The following GPHN variants were observed in gnomAD, a reference collection of about 807,000 sequenced individuals.
GPHN encodes gephyrin.
GPHN carries 17 observed loss-of-function variants against 95.5 expected under a neutral mutation model. That is an observed-to-expected ratio of 0.18 (90% confidence interval 0.12 to 0.27). The LOEUF is 0.27. GPHN is among the 10% of genes least tolerant of loss of function. The pLI is 1.00. For missense variants in GPHN, 660 were observed against 978.1 expected (o/e 0.67, Z 4.34); for synonymous variants, 320 against 322.5 (o/e 0.99, Z 0.08).
intron 9 of GPHN, among the ~76,000 whole-genome samples, chr14:66,984,065 A>T (rs2153599820): frequency 6.6e-6 from 1 of 152,330 alleles, no homozygotes; most frequent in East Asian, 1.9e-4. Flanking sequence ...AAAAGACAAC[A>T]TAGAAAATGG....
Position 67,025,040 on chromosome 14 carries a change from G to A in GPHN, c.1006+1365G>A, listed in dbSNP as rs571754113. 1.2e-4 allele frequency among the ~76,000 whole-genome samples: 18 copies of A among 152,224 alleles called. No individual in the cohort carries two copies. In the South Asian group the frequency reaches 3.5e-3, roughly 30 times the overall value. Reference sequence around the variant, plus strand: ...TGAGCCCCTTTGAACCTCCAATTTAGGGTATGGGGAGTGTTTCCAATTGTT... The same window carrying A: ...TGAGCCCCTTTGAACCTCCAATTTAAGGTATGGGGAGTGTTTCCAATTGTT... On this transcript the variant is annotated intron_variant, in intron 10 of 22. Transcript: ENST00000478722.
At chr14:67,225,962 TGCGCGCGCGC>T in the GPHN span, among the ~76,000 whole-genome samples, 4 of 113,520 alleles carry the variant, frequency 3.5e-5, no homozygotes, top group East Asian at 3.3e-4. Flanking sequence ...TGTGTGTGTG[TGCGCGCGCGC>T]GCGTGCGCAT....
chr14:67,512,360 A>G, the GPHN span, among the ~76,000 whole-genome samples: 1 of 152,216 alleles, frequency 6.6e-6, no homozygotes, highest in African/African-American at 2.4e-5. Context: ...TAGAGGCTGA[A>G]ATTCCTCAGC....
intron 1 of GPHN, among the ~76,000 whole-genome samples, chr14:66,641,186 G>A (rs376139557): frequency 2.0e-5 from 3 of 152,100 alleles, no homozygotes; most frequent in Non-Finnish European, 4.4e-5. Context: ...TTGACGTAAC[G>A]GTGGTGCAAA....
the GPHN span, chr14:67,685,024 T>C: frequency 6.2e-7 from 1 of 1,607,942 alleles, no homozygotes; most frequent in South Asian, 1.1e-5. Context: ...CCTGAAATGA[T>C]TCCCACTTAG....
chr14:67,373,175 A>C, the GPHN span, among the ~76,000 whole-genome samples: 1 of 152,222 alleles, frequency 6.6e-6, no homozygotes, highest in Admixed American at 6.5e-5. Flanking sequence ...TGCCATTTCT[A>C]GGAAAATTTA....
chr14:67,029,245 T>C (rs769332121), intron 10 of GPHN, among the ~76,000 whole-genome samples: 1 of 152,168 alleles, frequency 6.6e-6, no homozygotes, highest in Non-Finnish European at 1.5e-5. Context: ...TACAGCTTTG[T>C]AGCTGCTATT....
At chr14:66,962,882 T>A (rs2069051646) in intron 8 of GPHN, among the ~76,000 whole-genome samples, 1 of 151,928 alleles carries the variant, frequency 6.6e-6, no homozygotes, top group African/African-American at 2.4e-5. Context: ...CCAGAATGCT[T>A]TTGAAAATGA....
At chr14:66,787,104 C>T (rs1320462626) in intron 3 of GPHN, among the ~76,000 whole-genome samples, 1 of 152,062 alleles carries the variant, frequency 6.6e-6, no homozygotes, top group South Asian at 2.1e-4. Context: ...ACTTGATTAT[C>T]TGCATAGGAA....
intron 3 of GPHN, among the ~76,000 whole-genome samples, chr14:66,778,566 C>T (rs2059478676): frequency 6.6e-6 from 1 of 151,936 alleles, no homozygotes; most frequent in African/African-American, 2.4e-5. Context: ...ATAAACAATA[C>T]TGGTTAAATT....
At chr14:67,269,406 T>C in the GPHN span, among the ~76,000 whole-genome samples, 1 of 152,150 alleles carries the variant, frequency 6.6e-6, no homozygotes. Flanking sequence ...ATCGCTGATA[T>C]GGTAACCCTA....
chr14:66,634,169 C>T (rs1267318091), intron 1 of GPHN, among the ~76,000 whole-genome samples: 2 of 151,882 alleles, frequency 1.3e-5, no homozygotes, highest in African/African-American at 4.8e-5. Flanking sequence ...TGTCATGTTT[C>T]CCTGCCTTTT....
the GPHN span, among the ~76,000 whole-genome samples, chr14:67,331,819 G>A: frequency 2.0e-5 from 3 of 151,972 alleles, no homozygotes; most frequent in Non-Finnish European, 4.4e-5. Context: ...TTGAGCTTAC[G>A]GTAGACATAA....
chr14:67,005,622 AG>A (rs80108104), intron 9 of GPHN, among the ~76,000 whole-genome samples: 40,112 of 151,696 alleles, frequency 0.26, 9,044 homozygotes, highest in African/African-American at 0.58. Context: ...TTGGGAACAC[AG>A]ACTCATGTTT....
intron 2 of GPHN, among the ~76,000 whole-genome samples, chr14:66,767,027 C>CTT (rs2058985154): frequency 1.3e-5 from 2 of 152,058 alleles, no homozygotes; most frequent in South Asian, 4.2e-4. Context: ...CAAATTCCAC[C>CTT]TTTGTCTTTA....
At chr14:67,653,922 G>GT in the GPHN span, among the ~76,000 whole-genome samples, 1 of 152,232 alleles carries the variant, frequency 6.6e-6, no homozygotes, top group South Asian at 2.1e-4. Flanking sequence ...TTGGGATCTG[G>GT]TTTTTTTCTT....
chr14:66,553,725 GGCCAC>G (rs2059906863), intron 1 of GPHN, among the ~76,000 whole-genome samples: 1 of 151,794 alleles, frequency 6.6e-6, no homozygotes, highest in African/African-American at 2.4e-5. Flanking sequence ...TACAGGCATG[GGCCAC>G]CACGCCCGCC....
At chr14:66,856,463 T>G (rs1471343695) in intron 4 of GPHN, among the ~76,000 whole-genome samples, 4 of 152,158 alleles carry the variant, frequency 2.6e-5, no homozygotes, top group Admixed American at 6.5e-5. Context: ...TATTGCAGAA[T>G]TCTACAACAG....
chr14:67,134,607 G>A (rs1309535554), intron 17 of GPHN, among the ~76,000 whole-genome samples: 1 of 152,186 alleles, frequency 6.6e-6, no homozygotes, highest in Non-Finnish European at 1.5e-5. Context: ...AATTTGGTGG[G>A]ACAATCAGGA....
Sources: gnomAD v4.1 joint callset for allele counts (sites outside exome capture counted in the v4.1 genomes callset) on GRCh38, gnomAD v4.1.1 for gene constraint, MANE v1.5 for transcripts, NCBI Gene and HGNC (gene_info 2026-07-23, HGNC 2026-07-21) for gene names.